Variants in SERPINA5 observed in about 807,000 individuals in gnomAD.
SERPINA5 encodes plasma serine protease inhibitor.
A neutral mutation model predicts 25.3 loss-of-function variants in SERPINA5; 25 were observed. The observed-to-expected ratio is 0.99, with a 90% CI of 0.72 to 1.38. The LOEUF (loss-of-function observed/expected upper bound fraction) is 1.38, where lower values mean the gene tolerates loss of function less well. Ranked by LOEUF, SERPINA5 falls within the 40% of genes most tolerant of loss-of-function variation. The probability of loss-of-function intolerance (pLI) is 0.00; values close to 1 mark genes in which losing one functional copy is unlikely to be tolerated. For missense variants in SERPINA5, 599 were observed against 509.5 expected, an observed-to-expected ratio of 1.18 and a Z score of -1.69; for synonymous variants, 234 against 206.2, an observed-to-expected ratio of 1.14 and a Z score of -1.16.
At position 94,587,815 on chromosome 14, in the gene SERPINA5, G is replaced by A. The variant is rs148546597; in HGVS notation, c.453G>A (p.Thr151=). The A allele has an allele frequency of 5.5e-4, 884 of 1,613,926 alleles. 4 individuals are homozygous for A. In the East Asian group the frequency reaches 0.014, roughly 26 times the overall value. ...LQDTFVSAMK[T]LYLADTFPTN... The stretch of plus-strand genomic sequence containing the variant: ...ACACCTTCGTAAGTGCCATGAAGAC[G>A]CTGTACCTGGCAGACACTTTCCCTA... Residue 151 remains threonine (T), a synonymous_variant, in exon 3 of 6, where the codon ACG becomes ACA. Transcript: ENST00000329597.
Position 94,587,705 on chromosome 14 carries a change from C to A in SERPINA5, c.343C>A (p.Leu115Ile), listed in dbSNP as rs778905587. 8 of 1,614,076 alleles carry A rather than the reference C, an allele frequency of 5.0e-6. No homozygotes were observed. The African/African-American group carries it at 6.7e-5, about 13-fold the overall frequency. Reference protein sequence around the residue: ...KELHRGFQQLLQELNQPRDGF... With the variant: ...KELHRGFQQLIQELNQPRDGF... ...GCTGCACAGAGGCTTTCAGCAGCTC[C>A]TTCAGGAACTCAACCAGCCCAGAGA... Residue 115 changes from leucine to isoleucine, a missense_variant, in exon 3 of 6, where the codon CTT becomes ATT. Leu to Ile is a conservative substitution (Grantham distance 5, BLOSUM62 2). Coordinates refer to ENST00000329597, the MANE Select transcript of SERPINA5 (RefSeq NM_000624.6).
intron 4 of SERPINA5, 159 bp from the exon 5 acceptor site, chr14:94,590,590 A>T: frequency 1.1e-6 from 1 of 899,210 alleles, no homozygotes; most frequent in Non-Finnish European, 1.6e-6. Flanking sequence ...ATCCTAGAAA[A>T]GAGGCCAGAG....
chr14:94,586,171 C>T (rs2069959), intron 2 of SERPINA5, among the ~76,000 whole-genome samples: 2 of 151,942 alleles, frequency 1.3e-5, no homozygotes, highest in Admixed American at 1.3e-4. Flanking sequence ...GACTGAAGGC[C>T]AAGGCCACGT....
intron 2 of SERPINA5, among the ~76,000 whole-genome samples, chr14:94,585,789 G>T (rs1885059346): frequency 6.6e-6 from 1 of 151,912 alleles, no homozygotes; most frequent in African/African-American, 2.4e-5. Flanking sequence ...GTGTGTGTGT[G>T]TGTGTGTGTG....
intron 4 of SERPINA5, 42 bp downstream of exon 4, chr14:94,590,353 C>T (rs754616651): frequency 6.5e-7 from 1 of 1,540,672 alleles, no homozygotes; most frequent in African/African-American, 1.4e-5. Flanking sequence ...ACCCACACAG[C>T]CCCAGGGAGA....
rs1885328909 is a variant in SERPINA5 at position 94,592,176 on chromosome 14, G to A, written c.1158G>A (p.Arg386=). Residue 386 remains arginine (R), a synonymous_variant, in exon 6 of 6, where the codon AGG becomes AGA. Transcript: ENST00000329597. Reference sequence around the variant, plus strand: ...ACTCTCAGAGGCTAGTGTTCAACAGGCCCTTTCTGATGTTCATTGTGGATA... The same window carrying A: ...ACTCTCAGAGGCTAGTGTTCAACAGACCCTTTCTGATGTTCATTGTGGATA... ...RLNSQRLVFN[R]PFLMFIVDNN... 1.9e-6 allele frequency: 3 copies of A among 1,614,080 alleles called. No homozygotes were observed. Among genetic ancestry groups the A allele is most frequent in the African/African-American group, 1.3e-5 (1 of 74,938 alleles).
At chr14:94,590,381 G>T in intron 4 of SERPINA5, 70 bp downstream of exon 4, 1 of 1,499,748 alleles carries the variant, frequency 6.7e-7, no homozygotes, top group South Asian at 1.3e-5. Context: ...GCCCTACCAG[G>T]GCCACACAGC....
chr14:94,585,571 G>C (rs1885047202), intron 2 of SERPINA5, among the ~76,000 whole-genome samples: 1 of 152,132 alleles, frequency 6.6e-6, no homozygotes, highest in Non-Finnish European at 1.5e-5. Context: ...GGTTTTAATT[G>C]GGTCACGGGA....
At chr14:94,586,111 G>A in intron 2 of SERPINA5, among the ~76,000 whole-genome samples, 1 of 152,166 alleles carries the variant, frequency 6.6e-6, no homozygotes, top group African/African-American at 2.4e-5. Context: ...CAGATGGGGA[G>A]GCATGGGCAC....
In SERPINA5 at chr14:94,587,825, G is replaced by A. The variant is rs760849125; in HGVS notation, c.463G>A (p.Ala155Thr). 1.1e-5 allele frequency: 18 copies of A among 1,613,808 alleles called. No homozygotes were observed. Among genetic ancestry groups the A allele is most frequent in the Non-Finnish European group, 1.4e-5 (16 of 1,179,840 alleles). The change falls in exon 3 of 6, where the codon GCA becomes ACA. Residue 155 changes from alanine (A) to threonine (T), a missense_variant. Physicochemically the swap from Ala to Thr is moderately conservative, Grantham distance 58. Transcript: ENST00000329597. Reference protein sequence around the residue: ...FVSAMKTLYLADTFPTNFRDS... With the variant: ...FVSAMKTLYLTDTFPTNFRDS... ...AAGTGCCATGAAGACGCTGTACCTG[G>A]CAGACACTTTCCCTACCAACTTTAG...
At chr14:94,588,279 C>T (rs997852474) in intron 3 of SERPINA5, among the ~76,000 whole-genome samples, 2 of 152,138 alleles carry the variant, frequency 1.3e-5, no homozygotes, top group Non-Finnish European at 2.9e-5. Context: ...GAAGTATGAA[C>T]CCATTGTGGC....
In SERPINA5 at chr14:94,587,889, T is replaced by A; in HGVS notation, c.527T>A (p.Val176Glu). 1 of 1,614,248 alleles carries A rather than the reference T, an allele frequency of 6.2e-7. No homozygotes were observed. Among genetic ancestry groups the A allele is most frequent in the Non-Finnish European group, 8.5e-7 (1 of 1,180,056 alleles). The part of the protein sequence containing the change: ...AGAMKQINDY[V>E]AKQTKGKIVD... ...GCCATGAAGCAGATCAATGATTATGTGGCAAAGCAAACGAAGGGCAAGATT... is the reference window on the plus strand; with the variant it reads ...GCCATGAAGCAGATCAATGATTATGAGGCAAAGCAAACGAAGGGCAAGATT... Residue 176 changes from valine to glutamate, a missense_variant, in exon 3 of 6, where the codon GTG becomes GAG. Coordinates refer to ENST00000329597, the MANE Select transcript of SERPINA5 (RefSeq NM_000624.6).
chr14:94,592,201 A>G lies in SERPINA5; in HGVS notation c.1183A>G (p.Asn395Asp). The G allele has an allele frequency of 6.2e-7, 1 of 1,614,120 alleles. No homozygotes were observed. Residue 395 changes from asparagine to aspartate, a missense_variant, in exon 6 of 6, where the codon AAC (asparagine) becomes GAC (aspartate). By Grantham distance (23) the Asn-to-Asp change is conservative. Transcript: ENST00000329597. ...NRPFLMFIVD[N>D]NILFLGKVNR... ...GCCCTTTCTGATGTTCATTGTGGAT[A>G]ACAACATCCTCTTCCTTGGCAAAGT...
chr14:94,585,083 G>A (rs2070734946), intron 2 of SERPINA5, among the ~76,000 whole-genome samples: 1 of 152,150 alleles, frequency 6.6e-6, no homozygotes, highest in Non-Finnish European at 1.5e-5. Flanking sequence ...AAAAGAGGAG[G>A]CAGGACTCTG....
At chr14:94,588,465 C>T (rs2069978) in intron 3 of SERPINA5, among the ~76,000 whole-genome samples, 7,864 of 152,248 alleles carry the variant, frequency 0.052, 262 homozygotes, top group East Asian at 0.16. Context: ...CCTCCTGACT[C>T]CTCAGCAAGA....
intron 5 of SERPINA5, among the ~76,000 whole-genome samples, chr14:94,591,537 T>TTGTTCTGTTCTATTCTATTCTATTC (rs1885290576): frequency 5.0e-5 from 3 of 59,780 alleles, no homozygotes; most frequent in Non-Finnish European, 1.2e-4. Flanking sequence ...CTCCACTCCT[T>TTGTTCTGTTCTATTCTATTCTATTC]TATTCTGTTC....
intron 2 of SERPINA5, among the ~76,000 whole-genome samples, chr14:94,583,600 C>T (rs1399569122): frequency 6.6e-6 from 1 of 152,204 alleles, no homozygotes; most frequent in Non-Finnish European, 1.5e-5. Flanking sequence ...TAGAACTGGG[C>T]AGGACTTCAC....
intron 5 of SERPINA5, among the ~76,000 whole-genome samples, chr14:94,591,346 C>T (rs545864229): frequency 1.3e-5 from 2 of 148,660 alleles, no homozygotes; most frequent in African/African-American, 5.0e-5. Flanking sequence ...CACTCCTCCA[C>T]TCCACTCTTC....
rs1402292779 is a variant in SERPINA5 at position 94,587,619 on chromosome 14, G to A, written c.257G>A (p.Ser86Asn). Residue 86 changes from serine to asparagine, a missense_variant, in exon 3 of 6, where the codon AGC becomes AAC. Transcript: ENST00000329597. Reference sequence around the variant, plus strand: ...ATGCTCTCCCTGGGGGCTGGGTCCAGCACAAAGATGCAGATCCTGGAGGGC... The same window carrying A: ...ATGCTCTCCCTGGGGGCTGGGTCCAACACAAAGATGCAGATCCTGGAGGGC... ...LAMLSLGAGS[S>N]TKMQILEGLG... The A allele has an allele frequency of 2.5e-6, 4 of 1,614,060 alleles. No homozygotes were observed. Among genetic ancestry groups the A allele is most frequent in the East Asian group, 2.2e-5 (1 of 44,880 alleles).
Sources: gnomAD v4.1 joint callset for allele counts (sites outside exome capture counted in the v4.1 genomes callset) on GRCh38, gnomAD v4.1.1 for gene constraint, MANE v1.5 for transcripts, NCBI Gene and HGNC (gene_info 2026-07-23, HGNC 2026-07-21) for gene names.